NHS: variants seen among roughly 807,000 people sequenced by gnomAD.
NHS encodes actin remodeling regulator NHS.
Under a neutral mutation model 72.5 loss-of-function variants are expected in NHS, and 5 were observed. The ratio of observed to expected loss-of-function variants is 0.07; its 90% CI spans 0.04 to 0.14. The LOEUF (loss-of-function observed/expected upper bound fraction) is 0.14, where lower values mean the gene tolerates loss of function less well. Ranked by LOEUF, NHS falls within the 10% of genes least tolerant of loss-of-function variation. The probability of loss-of-function intolerance (pLI) is 1.00; values close to 1 mark genes in which losing one functional copy is unlikely to be tolerated. For synonymous variants in NHS, 464 were observed against 547.7 expected (o/e 0.85, Z 2.13); for missense variants, 1,072 against 1,355.7 (o/e 0.79, Z 3.29).
intron 1 of NHS, among the ~76,000 whole-genome samples, chrX:17,393,766 TG>T (rs1398424440): frequency 9.0e-6 from 1 of 111,358 alleles, no homozygotes; most frequent in African/African-American, 3.3e-5. Flanking sequence ...GACAAAGAAG[TG>T]GGGAGGCCCT....
rs979922236 is a variant in NHS, at chrX:17,635,348, G to A, written c.566-52394G>A. The stretch of plus-strand genomic sequence containing the variant: ...GATTAGCAGCCAGCCTAGCACTTGG[G>A]TGAGACCATCTCCCCCTCCAGGGGG... On this transcript the variant is annotated intron_variant, in intron 1 of 8. Transcript: ENST00000676302. 1.3e-5 allele frequency: 14 copies of A among 1,108,834 alleles called. No homozygotes were observed. In the Admixed American group the frequency reaches 1.9e-4, roughly 15 times the overall value. 91.4% of individuals were successfully genotyped at this position (1,108,834 alleles called of 1,213,427 possible).
intron 1 of NHS, among the ~76,000 whole-genome samples, chrX:17,433,992 C>T (rs1344663756): frequency 2.7e-5 from 3 of 112,177 alleles, no homozygotes; most frequent in African/African-American, 9.7e-5. Context: ...CATATGGTCA[C>T]TCAAGAACCC....
intron 1 of NHS, among the ~76,000 whole-genome samples, chrX:17,589,258 T>C (rs1448167040): frequency 9.0e-6 from 1 of 111,610 alleles, no homozygotes; most frequent in Non-Finnish European, 1.9e-5. Context: ...GGTACACCCA[T>C]CACCTGAGCA....
chrX:17,588,080 T>C (rs1483314821), intron 1 of NHS, among the ~76,000 whole-genome samples: 1 of 112,269 alleles, frequency 8.9e-6, no homozygotes, highest in Non-Finnish European at 1.9e-5. Context: ...TTTTGCTTGG[T>C]CATTCTCAGC....
intron 1 of NHS, among the ~76,000 whole-genome samples, chrX:17,581,793 G>A (rs951199505): frequency 2.7e-5 from 3 of 111,688 alleles, no homozygotes; most frequent in East Asian, 2.8e-4. Flanking sequence ...GATCTCCTGC[G>A]AACGTTTGGA....
intron 1 of NHS, among the ~76,000 whole-genome samples, chrX:17,430,786 G>T (rs748965638): frequency 8.0e-5 from 9 of 112,396 alleles, no homozygotes; most frequent in Non-Finnish European, 1.3e-4. Context: ...GTTCATTTAT[G>T]TTGTAGCATG....
At chrX:17,535,699 C>A (rs949234035) in intron 1 of NHS, among the ~76,000 whole-genome samples, 1 of 111,082 alleles carries the variant, frequency 9.0e-6, no homozygotes, top group Non-Finnish European at 1.9e-5. Context: ...TTGCCTCAGC[C>A]CCCCAAGTAG....
chrX:17,539,195 G>C (rs890535620), intron 1 of NHS, among the ~76,000 whole-genome samples: 3 of 111,398 alleles, frequency 2.7e-5, no homozygotes, highest in Non-Finnish European at 5.6e-5. Flanking sequence ...TCCCCTGAAA[G>C]CATGGCTCTG....
intron 1 of NHS, among the ~76,000 whole-genome samples, chrX:17,569,121 A>G (rs1052223365): frequency 8.9e-6 from 1 of 111,853 alleles, no homozygotes; most frequent in Non-Finnish European, 1.9e-5. Context: ...TGCTGCAATA[A>G]ACATACGTGT....
At chrX:17,405,996 C>T (rs6418708) in intron 1 of NHS, among the ~76,000 whole-genome samples, 32,799 of 111,288 alleles carry the variant, frequency 0.29, 3,594 homozygotes, top group South Asian at 0.53. Context: ...AAGAGAACCA[C>T]GTTGTGAGAG....
intron 1 of NHS, among the ~76,000 whole-genome samples, chrX:17,641,875 G>T (rs1323603702): frequency 8.9e-6 from 1 of 112,181 alleles, no homozygotes; most frequent in South Asian, 3.7e-4. Flanking sequence ...CTAAGGAAGT[G>T]AGATTTGAGC....
chrX:17,706,061 G>A (rs182945565), intron 3 of NHS, among the ~76,000 whole-genome samples: 1,356 of 110,932 alleles, frequency 0.012, 5 homozygotes, highest in Non-Finnish European at 0.019. Context: ...GTGTGGTGGT[G>A]CATGCCTGCG....
At chrX:17,473,018 G>A (rs2064898903) in intron 1 of NHS, among the ~76,000 whole-genome samples, 1 of 112,355 alleles carries the variant, frequency 8.9e-6, no homozygotes, top group South Asian at 3.7e-4. Context: ...TTTGCAGACA[G>A]TGAAAAGTTT....
At chrX:17,442,876 C>A (rs1374329037) in intron 1 of NHS, among the ~76,000 whole-genome samples, 1 of 112,423 alleles carries the variant, frequency 8.9e-6, no homozygotes, top group Non-Finnish European at 1.9e-5. Context: ...CAGTGACAAG[C>A]TATTGTGGCC....
chrX:17,606,152 C>T (rs931712359), intron 1 of NHS, among the ~76,000 whole-genome samples: 5 of 111,842 alleles, frequency 4.5e-5, no homozygotes, highest in Non-Finnish European at 7.5e-5. Context: ...TGAAGTGCTT[C>T]TTGTCTGTTT....
chrX:17,457,782 C>T (rs1417103755), intron 1 of NHS, among the ~76,000 whole-genome samples: 5 of 111,329 alleles, frequency 4.5e-5, no homozygotes, highest in Non-Finnish European at 9.4e-5. Flanking sequence ...AGACTCTCAG[C>T]TTTATGAGGG....
At chrX:17,722,311 G>A (rs1342084526) in intron 5 of NHS, among the ~76,000 whole-genome samples, 3 of 112,028 alleles carry the variant, frequency 2.7e-5, no homozygotes, top group Admixed American at 1.9e-4. Flanking sequence ...AATCTTAGTC[G>A]TAAGTAAAAT....
intron 1 of NHS, among the ~76,000 whole-genome samples, chrX:17,493,821 C>T (rs913860110): frequency 1.8e-5 from 2 of 111,426 alleles, no homozygotes; most frequent in Middle Eastern, 4.6e-3. Flanking sequence ...GCTTTGCCAC[C>T]TTAACCTGCA....
At chrX:17,497,139 A>G (rs936218221) in intron 1 of NHS, among the ~76,000 whole-genome samples, 12 of 112,562 alleles carry the variant, frequency 1.1e-4, no homozygotes, top group African/African-American at 3.2e-4. Context: ...GGATGGGAAC[A>G]TGCAAAATGT....
Sources: allele counts gnomAD v4.1 joint callset (sites outside exome capture counted in the v4.1 genomes callset), GRCh38; gene constraint gnomAD v4.1.1; transcripts MANE v1.5; gene names NCBI Gene and HGNC (gene_info 2026-07-23, HGNC 2026-07-21).